Variants in CACNA1C observed in about 807,000 individuals in gnomAD.
CACNA1C encodes calcium voltage-gated channel subunit alpha1 C.
In CACNA1C, 30 loss-of-function variants were observed where a neutral mutation model predicts 229.0. That is an observed-to-expected ratio of 0.13 (90% CI 0.10 to 0.18). The LOEUF (loss-of-function observed/expected upper bound fraction) is 0.18, where lower values mean the gene tolerates loss of function less well. CACNA1C is among the 10% of genes least tolerant of loss of function. The pLI, the probability that CACNA1C is intolerant of heterozygous loss-of-function variation, is 1.00. For synonymous variants in CACNA1C, 1,114 were observed against 1,132.5 expected, an observed-to-expected ratio of 0.98 and a Z score of 0.33; for missense variants, 1,658 against 2,845.0, an observed-to-expected ratio of 0.58 and a Z score of 9.49.
Position 2,608,457 on chromosome 12 carries a change from C to A in CACNA1C, c.3357-54C>A. 7.1e-7 allele frequency: 1 copy of A among 1,404,684 alleles called. No individual in the cohort carries two copies. The highest frequency in any genetic ancestry group is 9.8e-7 in the Non-Finnish European group (1 of 1,023,050). The allele number at this position is 1,404,684 out of a possible 1,614,324, so 87.0% of individuals were successfully genotyped here. A position where few individuals can be genotyped will look rare whatever the true frequency, so the allele number is the denominator to read the frequency against. On this transcript the variant is annotated intron_variant, in intron 26 of 46. Coordinates refer to ENST00000399655, the MANE Select transcript of CACNA1C (RefSeq NM_000719.7). This position sits in a 1 kb window ranked among gnomAD's most constrained non-coding sequence, Gnocchi z 4.2. ...CTGGAGCAGTGGTGCCGTCCTTCCGCAGAGGGGACCCTGCTTCTCCAGTTC... is the reference window on the plus strand; with the variant it reads ...CTGGAGCAGTGGTGCCGTCCTTCCGAAGAGGGGACCCTGCTTCTCCAGTTC...
intron 1 of CACNA1C, among the ~76,000 whole-genome samples, chr12:2,071,775 C>T (rs1413638712): frequency 2.6e-5 from 4 of 152,154 alleles, no homozygotes; most frequent in Non-Finnish European, 4.4e-5. Context: ...ATTTCAATGA[C>T]ATTTTATTCC....
At chr12:2,458,763 C>G (rs2154565153) in intron 5 of CACNA1C, among the ~76,000 whole-genome samples, 1 of 152,174 alleles carries the variant, frequency 6.6e-6, no homozygotes, top group East Asian at 1.9e-4. Context: ...GTCATGAAAC[C>G]GTGGAAATGT....
chr12:2,154,042 C>T (rs1053699313), intron 3 of CACNA1C, among the ~76,000 whole-genome samples: 2 of 152,204 alleles, frequency 1.3e-5, no homozygotes, highest in African/African-American at 4.8e-5. Flanking sequence ...ACTTCCCCTT[C>T]TCCCCAGTGA....
chr12:2,256,360 T>G (rs1012946512), intron 3 of CACNA1C, among the ~76,000 whole-genome samples: 2 of 152,222 alleles, frequency 1.3e-5, no homozygotes, highest in Non-Finnish European at 2.9e-5. Context: ...ATTGGAACTG[T>G]TTTGCTAAGT....
At chr12:2,251,441 A>G (rs1019376406) in intron 3 of CACNA1C, among the ~76,000 whole-genome samples, 34 of 152,216 alleles carry the variant, frequency 2.2e-4, no homozygotes, top group African/African-American at 3.9e-4. Context: ...AGTAGCTTCT[A>G]TGAAATTTCC....
chr12:2,343,309 G>A (rs777810166), intron 3 of CACNA1C, among the ~76,000 whole-genome samples: 1 of 152,200 alleles, frequency 6.6e-6, no homozygotes, highest in Non-Finnish European at 1.5e-5. Flanking sequence ...GGGTTTTGTG[G>A]CCTCTCTCTA....
intron 1 of CACNA1C, among the ~76,000 whole-genome samples, chr12:1,984,491 A>G (rs1224669252): frequency 2.6e-5 from 4 of 152,082 alleles, no homozygotes; most frequent in Admixed American, 6.5e-5. Flanking sequence ...TAAAGGCTCT[A>G]TAAGTGTACA....
At chr12:2,494,109 A>G (rs1211267262) in intron 7 of CACNA1C, among the ~76,000 whole-genome samples, 2 of 152,094 alleles carry the variant, frequency 1.3e-5, no homozygotes, top group African/African-American at 4.8e-5. Context: ...GGTTTGTTGC[A>G]CCCATCCACC....
chr12:2,563,830 C>T (rs1371045486), intron 11 of CACNA1C, among the ~76,000 whole-genome samples: 1 of 152,264 alleles, frequency 6.6e-6, no homozygotes, highest in Non-Finnish European at 1.5e-5. Flanking sequence ...AGGCTGAGGG[C>T]AGTGCACACA....
intron 3 of CACNA1C, among the ~76,000 whole-genome samples, chr12:2,423,433 C>CTCTCAGTG (rs1226602445): frequency 3.9e-5 from 6 of 152,286 alleles, no homozygotes; most frequent in African/African-American, 1.4e-4. Context: ...GCAAGTTAAT[C>CTCTCAGTG]TCTCAGTGTC....
intron 3 of CACNA1C, among the ~76,000 whole-genome samples, chr12:2,178,779 AG>A (rs1186525847): frequency 6.6e-6 from 1 of 152,156 alleles, no homozygotes; most frequent in Non-Finnish European, 1.5e-5. Context: ...AGGAGAAGAT[AG>A]GCTGGGCACA....
chr12:2,177,921 G>A (rs1327544314), intron 3 of CACNA1C, among the ~76,000 whole-genome samples: 1 of 152,134 alleles, frequency 6.6e-6, no homozygotes, highest in Non-Finnish European at 1.5e-5. Context: ...ACAGGCATGA[G>A]CCACTGCCCG....
At chr12:2,644,823 T>C (rs1336830337) in intron 30 of CACNA1C, among the ~76,000 whole-genome samples, 1 of 152,180 alleles carries the variant, frequency 6.6e-6, no homozygotes, top group Non-Finnish European at 1.5e-5. Context: ...TCCCTCTCAT[T>C]AGCTGCCCTG....
intron 3 of CACNA1C, among the ~76,000 whole-genome samples, chr12:2,335,354 C>T (rs527715734): frequency 1.3e-5 from 2 of 152,070 alleles, no homozygotes; most frequent in South Asian, 2.1e-4. Context: ...CTGTGATTTA[C>T]GATGTCAAGA....
Position 2,639,569 on chromosome 12 carries a change from C to T in CACNA1C, c.3912+5189C>T, listed in dbSNP as rs533077086. 2.6e-5 allele frequency among the ~76,000 whole-genome samples: 4 copies of T among 152,284 alleles called. No homozygotes were observed. Among genetic ancestry groups the T allele is most frequent in the African/African-American group, 7.2e-5 (3 of 41,560 alleles). ...AGAGCAATGAACTCCATTCTCTGGG[C>T]CTCAATTTCCTTGAATGCAAAAGTG... On this transcript the variant is annotated intron_variant, in intron 30 of 46. Coordinates refer to ENST00000399655, the MANE Select transcript of CACNA1C (RefSeq NM_000719.7). The surrounding 1 kb of genome is among the most constrained non-coding windows in gnomAD (Gnocchi z 4.2).
At chr12:2,155,763 G>A (rs2154229733) in intron 3 of CACNA1C, among the ~76,000 whole-genome samples, 1 of 152,298 alleles carries the variant, frequency 6.6e-6, no homozygotes, top group East Asian at 1.9e-4. Flanking sequence ...ACCGGAGGTG[G>A]GAGGATGAGC....
Position 2,647,647 on chromosome 12 carries a change from GTTGAC to G in CACNA1C, c.3913-823_3913-819del, listed in dbSNP as rs2153634788. Among the ~76,000 whole-genome samples the G allele has an allele frequency of 6.6e-6, 1 of 152,294 alleles. No individual in the cohort carries two copies. The highest frequency in any genetic ancestry group is 1.9e-4 in the East Asian group (1 of 5,174). ...GCCACCTCTGGAGGCCCTCCTCAGT[GTTGAC>G]TTGAAGTCGGTCTCCCCTAAACCTG... is the stretch of plus-strand genomic sequence containing the variant. On this transcript the variant is annotated intron_variant, in intron 30 of 46. Coordinates refer to ENST00000399655, the MANE Select transcript of CACNA1C (RefSeq NM_000719.7). The surrounding 1 kb of genome is among the most constrained non-coding windows in gnomAD (Gnocchi z 4.2).
intron 13 of CACNA1C, among the ~76,000 whole-genome samples, chr12:2,568,065 T>C (rs2052197163): frequency 6.6e-6 from 1 of 152,212 alleles, no homozygotes; most frequent in African/African-American, 2.4e-5. Flanking sequence ...GGCAGCTAGC[T>C]GAGGTGCCTT....
At chr12:2,089,728 T>G (rs1186105487) in intron 1 of CACNA1C, among the ~76,000 whole-genome samples, 2 of 152,210 alleles carry the variant, frequency 1.3e-5, no homozygotes. Context: ...TCTCCAGAAC[T>G]TTTTCATCTT....
Sources: allele counts gnomAD v4.1 joint callset (sites outside exome capture counted in the v4.1 genomes callset), GRCh38; gene constraint gnomAD v4.1.1; non-coding constraint Gnocchi (gnomAD v3.1); transcripts MANE v1.5; gene names NCBI Gene and HGNC (gene_info 2026-07-23, HGNC 2026-07-21).